AFF1: variants seen among roughly 807,000 people sequenced by gnomAD.
The protein encoded by AFF1 is ALF transcription elongation factor 1.
In AFF1, 48 loss-of-function variants were observed where a neutral mutation model predicts 121.7. That is an observed-to-expected ratio of 0.39 (90% CI 0.31 to 0.50). AFF1 has a LOEUF of 0.50. Among genes scored for constraint, AFF1 ranks in the 20% least tolerant of loss-of-function variants. The pLI, the probability that AFF1 is intolerant of heterozygous loss-of-function variation, is 0.76. For synonymous variants in AFF1, 613 were observed against 563.0 expected (o/e 1.09, Z -1.26); for missense variants, 1,523 against 1,511.7 (o/e 1.01, Z -0.12).
At chr4:86,953,180 C>T (rs1721496562) in intron 2 of AFF1, among the ~76,000 whole-genome samples, 1 of 151,906 alleles carries the variant, frequency 6.6e-6, no homozygotes, top group Non-Finnish European at 1.5e-5. Flanking sequence ...AGCTCCTCAC[C>T]TCCTCAATAT....
intron 2 of AFF1, among the ~76,000 whole-genome samples, chr4:87,020,509 G>C (rs1366274610): frequency 6.6e-6 from 1 of 152,100 alleles, no homozygotes; most frequent in African/African-American, 2.4e-5. Flanking sequence ...GTTTCAGATG[G>C]AGTCTTGCTC....
intron 2 of AFF1, among the ~76,000 whole-genome samples, chr4:87,021,421 G>A (rs1289049128): frequency 1.3e-5 from 2 of 152,194 alleles, no homozygotes; most frequent in Non-Finnish European, 1.5e-5. Context: ...ATTTGCTCTT[G>A]TCATAAATGA....
At chr4:86,972,212 G>A (rs1369983697) in intron 2 of AFF1, among the ~76,000 whole-genome samples, 1 of 150,006 alleles carries the variant, frequency 6.7e-6, no homozygotes, top group Non-Finnish European at 1.5e-5. Flanking sequence ...AGCCAGAGAA[G>A]TGACATGGAA....
intron 1 of AFF1, among the ~76,000 whole-genome samples, chr4:86,945,497 A>ATT (rs34305215): frequency 0.056 from 4,818 of 86,494 alleles, 483 homozygotes; most frequent in African/African-American, 0.19. Flanking sequence ...GCCTTTCCCA[A>ATT]TTTTTTTTTT....
chr4:86,995,377 T>C (rs1310981907), intron 2 of AFF1, among the ~76,000 whole-genome samples: 1 of 144,918 alleles, frequency 6.9e-6, no homozygotes, highest in Non-Finnish European at 1.5e-5. Flanking sequence ...AGCTGGACGG[T>C]ACTGCTGCCA....
chr4:87,119,033 T>TCCAGCTG (rs11280827), intron 12 of AFF1, among the ~76,000 whole-genome samples: 97,500 of 150,968 alleles, frequency 0.65, 31,837 homozygotes, highest in African/African-American at 0.74. Context: ...ACTTTCATTT[T>TCCAGCTG]CCACACAGAA....
intron 2 of AFF1, chr4:87,036,911 A>G (rs1274369269): frequency 1.5e-5 from 6 of 389,170 alleles, no homozygotes; most frequent in Non-Finnish European, 4.9e-6. Flanking sequence ...GGCTCGCTGT[A>G]ACCTCTGCCT....
intron 2 of AFF1, among the ~76,000 whole-genome samples, chr4:86,955,754 A>G (rs1207073907): frequency 1.3e-5 from 2 of 152,180 alleles, no homozygotes; most frequent in Non-Finnish European, 2.9e-5. Context: ...CAGAGTGGGT[A>G]CTGAAGTGTT....
At chr4:87,105,245 C>T (rs926725465) in intron 8 of AFF1, among the ~76,000 whole-genome samples, 9 of 152,184 alleles carry the variant, frequency 5.9e-5, no homozygotes, top group Non-Finnish European at 7.3e-5. Context: ...ATGTATCCCT[C>T]CCCATTTGTT....
intron 6 of AFF1, 49 bp downstream of exon 6, chr4:87,090,119 C>T (rs754400403): frequency 4.8e-6 from 7 of 1,445,534 alleles, no homozygotes; most frequent in Non-Finnish European, 2.9e-6. Context: ...TAGTGAAAAG[C>T]GTAAGGCATT....
At chr4:87,084,833 A>G (rs908798214) in intron 5 of AFF1, among the ~76,000 whole-genome samples, 1 of 152,128 alleles carries the variant, frequency 6.6e-6, no homozygotes, top group Non-Finnish European at 1.5e-5. Flanking sequence ...GGCCCAGGAG[A>G]GTTGCTCACT....
intron 2 of AFF1, among the ~76,000 whole-genome samples, chr4:86,975,477 C>G (rs1269489018): frequency 1.3e-5 from 2 of 152,122 alleles, no homozygotes; most frequent in Non-Finnish European, 2.9e-5. Flanking sequence ...TCTCGAACTC[C>G]TGGTCTCAAG....
At chr4:87,097,948 G>T (rs1725032845) in intron 8 of AFF1, among the ~76,000 whole-genome samples, 1 of 152,176 alleles carries the variant, frequency 6.6e-6, no homozygotes, top group Non-Finnish European at 1.5e-5. Context: ...ATGCAGTTAA[G>T]CTATTTGAGT....
At chr4:87,135,313 A>T (rs890540350) in intron 20 of AFF1, among the ~76,000 whole-genome samples, 2 of 152,048 alleles carry the variant, frequency 1.3e-5, no homozygotes, top group African/African-American at 4.8e-5. Flanking sequence ...TCATTAATGC[A>T]TCCTTTGAGG....
rs115808891 is a variant in AFF1, at chr4:87,139,140, C to T, written c.*3439C>T. ...ATATACAAAGGGATATAAATATATA[C>T]ACTTAAATAGAGAAAAAGAGGTTGA... On this transcript the variant is annotated 3_prime_UTR_variant, in exon 21 of 21. Transcript: ENST00000395146. 1,123 of 229,482 alleles carry T rather than the reference C, an allele frequency of 4.9e-3. 15 individuals carry two copies. Among genetic ancestry groups the T allele is most frequent in the African/African-American group, 0.023 (1,045 of 45,272 alleles). 14.2% of individuals were successfully genotyped at this position (229,482 alleles called of 1,614,324 possible). A position where few individuals can be genotyped will look rare whatever the true frequency, so the allele number is the denominator to read the frequency against.
At chr4:86,999,579 C>T (rs1036483888) in intron 2 of AFF1, among the ~76,000 whole-genome samples, 10 of 152,134 alleles carry the variant, frequency 6.6e-5, no homozygotes, top group Admixed American at 6.5e-4. Context: ...AACAAATAGT[C>T]TTGGAGTTAC....
intron 2 of AFF1, among the ~76,000 whole-genome samples, chr4:87,004,463 T>TA (rs1021413910): frequency 6.6e-6 from 1 of 152,150 alleles, no homozygotes; most frequent in Non-Finnish European, 1.5e-5. Context: ...TTTCCAAAAT[T>TA]AAAAAAATTA....
At chr4:87,105,757 C>A (rs767553058) in intron 9 of AFF1, 51 bp from the exon 10 acceptor site, 2 of 1,613,708 alleles carry the variant, frequency 1.2e-6, no homozygotes, top group Admixed American at 3.3e-5. Context: ...TTGTTCTAAC[C>A]TGTTTTTTGT....
chr4:86,957,541 A>AT (rs927554699), intron 2 of AFF1, among the ~76,000 whole-genome samples: 3 of 151,294 alleles, frequency 2.0e-5, no homozygotes, highest in Non-Finnish European at 4.4e-5. Flanking sequence ...TTGGTTGGAA[A>AT]TTTTTTTTTC....
Sources: gnomAD v4.1 joint callset for allele counts (sites outside exome capture counted in the v4.1 genomes callset) on GRCh38, gnomAD v4.1.1 for gene constraint, MANE v1.5 for transcripts, NCBI Gene and HGNC (gene_info 2026-07-23, HGNC 2026-07-21) for gene names.